TMEM181: variants seen among roughly 807,000 people sequenced by gnomAD.
TMEM181 encodes G protein-coupled receptor 178.
In TMEM181, 39 loss-of-function variants were observed where a neutral mutation model predicts 71.9. The ratio of observed to expected loss-of-function variants is 0.54; its 90% CI spans 0.42 to 0.71. The LOEUF is 0.71. TMEM181 is among the 30% of genes least tolerant of loss of function. The pLI is 0.00. For missense variants in TMEM181, 595 were observed against 583.0 expected (o/e 1.02, Z -0.21); for synonymous variants, 245 against 228.8 (o/e 1.07, Z -0.64).
intron 11 of TMEM181, among the ~76,000 whole-genome samples, chr6:158,624,191 T>C (rs1010236280): frequency 5.9e-5 from 9 of 152,302 alleles, no homozygotes; most frequent in Non-Finnish European, 1.2e-4. Flanking sequence ...GAACCAGCCA[T>C]GTGGGCTCTG....
At chr6:158,613,060 T>G (rs1423200880) in intron 10 of TMEM181, among the ~76,000 whole-genome samples, 1 of 152,232 alleles carries the variant, frequency 6.6e-6, no homozygotes, top group East Asian at 1.9e-4. Context: ...CTTATTTCTT[T>G]ACATTGATAT....
chr6:158,545,300 C>T (rs2033970), intron 1 of TMEM181, among the ~76,000 whole-genome samples: 142,678 of 152,356 alleles, frequency 0.94, 66,891 homozygotes, highest in East Asian at 1. Context: ...GATTTATTTG[C>T]GACCCTGGGA....
At chr6:158,627,192 T>C (rs570609109) in intron 13 of TMEM181, among the ~76,000 whole-genome samples, 3 of 146,604 alleles carry the variant, frequency 2.0e-5, no homozygotes, top group East Asian at 4.2e-4. Context: ...TCTCACACCC[T>C]TACACCTTCA....
chr6:158,622,025 G>A (rs1428066220), intron 10 of TMEM181, among the ~76,000 whole-genome samples: 1 of 152,114 alleles, frequency 6.6e-6, no homozygotes, highest in East Asian at 1.9e-4. Context: ...GCTGCCTCCG[G>A]ACAGCCCACC....
At chr6:158,539,708 C>T (rs1233852257) in intron 1 of TMEM181, among the ~76,000 whole-genome samples, 1 of 152,234 alleles carries the variant, frequency 6.6e-6, no homozygotes, top group Non-Finnish European at 1.5e-5. Context: ...GATCAAAGGA[C>T]TCTTGGCGAT....
intron 2 of TMEM181, among the ~76,000 whole-genome samples, chr6:158,575,839 G>T (rs1051116302): frequency 2.0e-5 from 3 of 152,178 alleles, no homozygotes; most frequent in African/African-American, 4.8e-5. Flanking sequence ...GTGGAGGATT[G>T]TTGGCAGACA....
upstream of TMEM181, among the ~76,000 whole-genome samples, chr6:158,559,797 C>G (rs1782044683): frequency 2.6e-5 from 4 of 152,232 alleles, no homozygotes; most frequent in South Asian, 8.3e-4. Context: ...CGTGGACTCC[C>G]GAGGCCCATC....
At chr6:158,630,399 G>A (rs781364346) in intron 15 of TMEM181, among the ~76,000 whole-genome samples, 3 of 152,080 alleles carry the variant, frequency 2.0e-5, no homozygotes, top group East Asian at 1.9e-4. Context: ...GGTTGGCTGA[G>A]GAGGGACGGT....
intron 1 of TMEM181, among the ~76,000 whole-genome samples, chr6:158,544,180 A>AGGGT (rs1163683618): frequency 1.4e-5 from 1 of 69,008 alleles, no homozygotes; most frequent in African/African-American, 7.7e-5. Flanking sequence ...CAAATTGGAG[A>AGGGT]GAGTGTGTGT....
intron 10 of TMEM181, among the ~76,000 whole-genome samples, chr6:158,619,184 G>A (rs2128325017): frequency 6.6e-6 from 1 of 152,276 alleles, no homozygotes; most frequent in Non-Finnish European, 1.5e-5. Flanking sequence ...TGGAGGCTTT[G>A]TTCGTTTCTT....
chr6:158,623,706 A>G (rs1786106497), intron 11 of TMEM181, 99 bp downstream of exon 11: 3 of 831,318 alleles, frequency 3.6e-6, no homozygotes, highest in East Asian at 2.7e-5. Flanking sequence ...GCTTTTTGCT[A>G]ACTGACTACT....
intron 10 of TMEM181, among the ~76,000 whole-genome samples, chr6:158,614,749 TG>T (rs1401798105): frequency 2.0e-5 from 3 of 152,208 alleles, no homozygotes; most frequent in African/African-American, 7.2e-5. Context: ...TGGTTTTCTG[TG>T]CTTGGCGATA....
At chr6:158,581,856 C>G (rs1164296785) in intron 3 of TMEM181, among the ~76,000 whole-genome samples, 1 of 150,736 alleles carries the variant, frequency 6.6e-6, no homozygotes, top group Non-Finnish European at 1.5e-5. Flanking sequence ...TAAATACTAA[C>G]CTGTGAGAGC....
upstream of TMEM181, among the ~76,000 whole-genome samples, chr6:158,556,772 A>G (rs560880285): frequency 6.6e-6 from 1 of 151,512 alleles, no homozygotes; most frequent in African/African-American, 2.4e-5. Flanking sequence ...TGTTTTTGGT[A>G]TTTTTTTTGA....
At chr6:158,630,563 C>T (rs1286493431) in intron 15 of TMEM181, among the ~76,000 whole-genome samples, 1 of 152,154 alleles carries the variant, frequency 6.6e-6, no homozygotes, top group Non-Finnish European at 1.5e-5. Flanking sequence ...TGTAGTAACA[C>T]TTAAGGCAGA....
At chr6:158,618,156 T>G (rs971758200) in intron 10 of TMEM181, among the ~76,000 whole-genome samples, 10 of 152,228 alleles carry the variant, frequency 6.6e-5, no homozygotes, top group South Asian at 6.2e-4. Context: ...ATGAATCTGG[T>G]TGCTCCTGTA....
chr6:158,619,609 G>A (rs538787597), intron 10 of TMEM181, among the ~76,000 whole-genome samples: 4 of 152,180 alleles, frequency 2.6e-5, no homozygotes, highest in Non-Finnish European at 5.9e-5. Context: ...GGTGGCTCAC[G>A]CCTATAATCC....
chr6:158,630,198 TGA>T (rs1260385737), intron 15 of TMEM181, among the ~76,000 whole-genome samples: 1 of 152,218 alleles, frequency 6.6e-6, no homozygotes, highest in Non-Finnish European at 1.5e-5. Context: ...AGCAAATTCA[TGA>T]GAGAGTCACC....
chr6:158,597,108 T>C (rs1784424609), intron 6 of TMEM181, among the ~76,000 whole-genome samples: 1 of 152,214 alleles, frequency 6.6e-6, no homozygotes, highest in Non-Finnish European at 1.5e-5. Context: ...GAGCCTGTCA[T>C]GTGGGCTGTG....
Sources: allele counts gnomAD v4.1 joint callset (sites outside exome capture counted in the v4.1 genomes callset), GRCh38; gene constraint gnomAD v4.1.1; transcripts MANE v1.5; gene names NCBI Gene and HGNC (gene_info 2026-07-23, HGNC 2026-07-21).